Variants in AFAP1 observed in about 807,000 individuals in gnomAD.
AFAP1 encodes the protein actin filament-associated protein 1.
AFAP1 carries 75 observed loss-of-function variants against 93.9 expected under a neutral mutation model. That is an observed-to-expected ratio of 0.80 (90% CI 0.66 to 0.97). AFAP1 has a LOEUF of 0.97. AFAP1 is among the 50% of genes least tolerant of loss of function. The probability of loss-of-function intolerance (pLI) is 0.00; values close to 1 mark genes in which losing one functional copy is unlikely to be tolerated. For synonymous variants in AFAP1, 517 were observed against 430.7 expected, an observed-to-expected ratio of 1.20 and a Z score of -2.48; for missense variants, 1,201 against 1,050.8, an observed-to-expected ratio of 1.14 and a Z score of -1.98.
intron 10 of AFAP1, among the ~76,000 whole-genome samples, chr4:7,798,371 G>C (rs1406811792): frequency 8.0e-6 from 1 of 124,944 alleles, no homozygotes; most frequent in African/African-American, 2.8e-5. Flanking sequence ...CTATTGGCTG[G>C]CTCACGGCAC....
chr4:7,890,225 CACAT>C (rs1461853475), intron 1 of AFAP1, among the ~76,000 whole-genome samples: 1 of 152,110 alleles, frequency 6.6e-6, no homozygotes, highest in Non-Finnish European at 1.5e-5. Flanking sequence ...AATTCACCCA[CACAT>C]AAACGGTCAA....
chr4:7,805,446 C>T (rs928430221), intron 9 of AFAP1, among the ~76,000 whole-genome samples: 1 of 152,072 alleles, frequency 6.6e-6, no homozygotes, highest in African/African-American at 2.4e-5. Flanking sequence ...TTTACTGTGC[C>T]TTGGATAGGT....
Position 7,793,694 on chromosome 4 carries a change from T to C in AFAP1, c.1399A>G (p.Lys467Glu). The C allele has an allele frequency of 6.4e-7, 1 of 1,551,242 alleles. No homozygotes were observed. Among genetic ancestry groups the C allele is most frequent in the Non-Finnish European group, 8.8e-7 (1 of 1,133,800 alleles). The change falls in exon 11 of 18, where the codon AAA (lysine) becomes GAA (glutamate). Residue 467 changes from lysine (K) to glutamate (E), a missense_variant. Coordinates refer to ENST00000420658, the MANE Select transcript of AFAP1 (RefSeq NM_001134647.2). ...AGTGGGTCTTACCAGAAGGTCTGTT[T>C]GGCTGTCTGAATGACACTTGCAGAC... ...EMSASVIQTA[K>E]QTFCFMNRRV...
At chr4:7,803,145 G>A (rs1326150832) in intron 9 of AFAP1, among the ~76,000 whole-genome samples, 2 of 152,182 alleles carry the variant, frequency 1.3e-5, no homozygotes, top group African/African-American at 4.8e-5. Context: ...TATGTTTTGA[G>A]CATGAGTTGA....
chr4:7,762,391 A>T lies in AFAP1; in HGVS notation c.*1374T>A, dbSNP rs1220066953. The T allele has an allele frequency of 1.3e-5, 2 of 152,192 alleles. No homozygotes were observed. The highest frequency in any genetic ancestry group is 4.8e-5 in the African/African-American group (2 of 41,434). 9.4% of individuals were successfully genotyped at this position (152,192 alleles called of 1,614,324 possible). A position where few individuals can be genotyped will look rare whatever the true frequency, so the allele number is the denominator to read the frequency against. On this transcript the variant is annotated 3_prime_UTR_variant, in exon 18 of 18. Coordinates refer to ENST00000420658, the MANE Select transcript of AFAP1 (RefSeq NM_001134647.2). ...TGGGGAAGGGGCGGTTGCTACTGGG[A>T]CTGGTCTCCATGAATCTGCCTGCGG... is the stretch of plus-strand genomic sequence containing the variant.
intron 12 of AFAP1, among the ~76,000 whole-genome samples, chr4:7,785,737 G>A (rs751508662): frequency 1.3e-5 from 2 of 152,176 alleles, no homozygotes; most frequent in Non-Finnish European, 2.9e-5. Flanking sequence ...AGGAGTTCAA[G>A]ACTGGCCTTG....
At chr4:7,772,672 G>T in intron 16 of AFAP1, 148 bp downstream of exon 16, 1 of 689,828 alleles carries the variant, frequency 1.4e-6, no homozygotes, top group Non-Finnish European at 2.4e-6. Flanking sequence ...AGTGTCTGAT[G>T]CTAACACATG....
At chr4:7,765,822 A>G (rs1222844143) in intron 17 of AFAP1, among the ~76,000 whole-genome samples, 1 of 152,158 alleles carries the variant, frequency 6.6e-6, no homozygotes, top group African/African-American at 2.4e-5. Context: ...GCCATGGTAC[A>G]ACGTGAGTCC....
intron 6 of AFAP1, among the ~76,000 whole-genome samples, chr4:7,825,692 G>A (rs1377659423): frequency 2.0e-5 from 3 of 151,628 alleles, no homozygotes; most frequent in Non-Finnish European, 2.9e-5. Flanking sequence ...GATAATTACA[G>A]CAAATTAAGC....
chr4:7,838,098 G>C (rs549222291), intron 6 of AFAP1, among the ~76,000 whole-genome samples: 97 of 152,294 alleles, frequency 6.4e-4, no homozygotes, highest in Middle Eastern at 3.4e-3. Flanking sequence ...TTTAAATGTA[G>C]TCTCAGGGAA....
chr4:7,759,773 C>G lies in AFAP1; in HGVS notation c.*3992G>C, dbSNP rs1291079890. The G allele has an allele frequency of 6.6e-6, 1 of 152,312 alleles. No homozygotes were observed. The highest frequency in any genetic ancestry group is 1.5e-5 in the Non-Finnish European group (1 of 68,054). 9.4% of individuals were successfully genotyped at this position (152,312 alleles called of 1,614,324 possible). A position where few individuals can be genotyped will look rare whatever the true frequency, so the allele number is the denominator to read the frequency against. ...TCCAGTGCTGTGTTCCCAGAAGAGG[C>G]TGTTTCAAGGATGGACATCCACCTG... On this transcript the variant is annotated 3_prime_UTR_variant, in exon 18 of 18. Transcript: ENST00000420658.
intron 12 of AFAP1, among the ~76,000 whole-genome samples, chr4:7,784,702 C>T (rs1426716908): frequency 3.3e-5 from 5 of 152,152 alleles, no homozygotes; most frequent in African/African-American, 4.8e-5. Flanking sequence ...GGACACACTG[C>T]GTCCATCGTG....
chr4:7,855,709 A>C, intron 3 of AFAP1, 135 bp from the exon 4 acceptor site: 1 of 739,680 alleles, frequency 1.4e-6, no homozygotes, highest in East Asian at 2.7e-5. Context: ...ACCTCATCCT[A>C]CGAAGAGGCT....
intron 1 of AFAP1, among the ~76,000 whole-genome samples, chr4:7,900,220 A>T (rs1330034054): frequency 6.6e-6 from 1 of 152,264 alleles, no homozygotes; most frequent in Non-Finnish European, 1.5e-5. Context: ...GAACTGTGAC[A>T]GAGGAGGCCA....
At chr4:7,766,274 G>A (rs1007997685) in intron 17 of AFAP1, among the ~76,000 whole-genome samples, 13 of 152,170 alleles carry the variant, frequency 8.5e-5, no homozygotes, top group African/African-American at 2.9e-4. Flanking sequence ...GTGGGCCGTT[G>A]TAAGCAGAGA....
intron 10 of AFAP1, among the ~76,000 whole-genome samples, chr4:7,798,464 A>G (rs1718694851): frequency 9.0e-6 from 1 of 110,932 alleles, no homozygotes; most frequent in Non-Finnish European, 2.0e-5. Context: ...GGCTCACGGC[A>G]TTGCAACTCT....
At position 7,816,216 on chromosome 4, in the gene AFAP1, C is replaced by T. The variant is rs1374673083; in HGVS notation, c.823-117G>A. On this transcript the variant is annotated intron_variant, in intron 7 of 17. Coordinates refer to ENST00000420658, the MANE Select transcript of AFAP1 (RefSeq NM_001134647.2). ...AAGAAAACACAGGCCAAATTCATAGCAATCCAGAAGTGGTTAGAGCTTAAC... is the reference window on the plus strand; with the variant it reads ...AAGAAAACACAGGCCAAATTCATAGTAATCCAGAAGTGGTTAGAGCTTAAC... 3.6e-6 allele frequency: 3 copies of T among 839,920 alleles called. No homozygotes were observed. In the Admixed American group the frequency reaches 6.8e-5, roughly 19 times the overall value. 52.0% of individuals were successfully genotyped at this position (839,920 alleles called of 1,614,324 possible).
intron 14 of AFAP1, 29 bp downstream of exon 14, chr4:7,778,733 G>A (rs139893586): frequency 3.1e-6 from 5 of 1,602,298 alleles, no homozygotes; most frequent in Non-Finnish European, 4.3e-6. Context: ...CTTGAAGCCG[G>A]AATGCAAGAC....
At chr4:7,872,139 G>A (rs1717110947) in intron 1 of AFAP1, 59 bp from the exon 2 acceptor site, 1 of 1,594,740 alleles carries the variant, frequency 6.3e-7, no homozygotes, top group African/African-American at 1.3e-5. Context: ...GTCAAAGTAT[G>A]AATACTGAGT....
Sources: gnomAD v4.1 joint callset for allele counts (sites outside exome capture counted in the v4.1 genomes callset) on GRCh38, gnomAD v4.1.1 for gene constraint, MANE v1.5 for transcripts, NCBI Gene and HGNC (gene_info 2026-07-23, HGNC 2026-07-21) for gene names.